Variants in PTPRD observed in about 807,000 individuals in gnomAD.
PTPRD encodes receptor-type tyrosine-protein phosphatase delta.
PTPRD carries 34 observed loss-of-function variants against 214.5 expected under a neutral mutation model. That is an observed-to-expected ratio of 0.16 (90% confidence interval 0.12 to 0.21). PTPRD has a LOEUF of 0.21. Ranked by LOEUF, PTPRD falls within the 10% of genes least tolerant of loss-of-function variation. The probability of loss-of-function intolerance (pLI) is 1.00; values close to 1 mark genes in which losing one functional copy is unlikely to be tolerated. For synonymous variants in PTPRD, 1,128 were observed against 845.7 expected, an observed-to-expected ratio of 1.33 and a Z score of -5.79; for missense variants, 2,545 against 2,398.7, an observed-to-expected ratio of 1.06 and a Z score of -1.27.
intron 2 of PTPRD, among the ~76,000 whole-genome samples, chr9:10,387,298 A>C (rs1187739122): frequency 6.6e-6 from 1 of 151,884 alleles, no homozygotes; most frequent in Non-Finnish European, 1.5e-5. Context: ...TTTCAGTGAC[A>C]TGAGCCATAT....
chr9:9,595,342 G>A (rs12236136), intron 7 of PTPRD, among the ~76,000 whole-genome samples: 11,964 of 79,240 alleles, frequency 0.15, 1,408 homozygotes, highest in African/African-American at 0.3. Flanking sequence ...AATATATATT[G>A]TATATTCATC....
At chr9:9,354,266 A>T (rs1404828277) in intron 9 of PTPRD, among the ~76,000 whole-genome samples, 1 of 151,836 alleles carries the variant, frequency 6.6e-6, no homozygotes, top group Non-Finnish European at 1.5e-5. Context: ...GGATTTGTAC[A>T]GGGACATGTA....
Position 10,389,128 on chromosome 9 carries a change from T to C in PTPRD, c.-599-48111A>G, listed in dbSNP as rs533476422. 2.0e-5 allele frequency among the ~76,000 whole-genome samples: 3 copies of C among 151,972 alleles called. No individual in the cohort carries two copies. The East Asian group carries it at 5.9e-4, about 30-fold the overall frequency. On this transcript the variant is annotated intron_variant, in intron 2 of 45. Transcript: ENST00000381196. ...AATTGCTCCTGTTATGTAAAATTAA[T>C]TGAGGCCTTGCTTCAGCAGCTGTTA...
At chr9:9,173,724 C>A (rs779572078) in intron 10 of PTPRD, among the ~76,000 whole-genome samples, 1 of 152,094 alleles carries the variant, frequency 6.6e-6, no homozygotes, top group African/African-American at 2.4e-5. Context: ...GCTGTATATG[C>A]AGTCCATGGT....
intron 36 of PTPRD, among the ~76,000 whole-genome samples, chr9:8,392,853 C>T (rs2090041244): frequency 1.3e-5 from 2 of 152,078 alleles, no homozygotes; most frequent in East Asian, 1.9e-4. Context: ...CAATATAACA[C>T]ACTGTGCAGA....
intron 3 of PTPRD, among the ~76,000 whole-genome samples, chr9:10,223,943 T>C (rs1218961931): frequency 6.6e-6 from 1 of 151,638 alleles, no homozygotes; most frequent in Non-Finnish European, 1.5e-5. Flanking sequence ...AATGGCTTTA[T>C]GTAGGCCAAA....
intron 4 of PTPRD, among the ~76,000 whole-genome samples, chr9:9,941,340 T>A (rs764926264): frequency 3.3e-5 from 5 of 152,166 alleles, no homozygotes; most frequent in Admixed American, 6.5e-5. Context: ...GTGTATCTTA[T>A]TTTAGACAGT....
chr9:8,537,434 C>T (rs2077226617), intron 14 of PTPRD, among the ~76,000 whole-genome samples: 1 of 151,848 alleles, frequency 6.6e-6, no homozygotes, highest in African/African-American at 2.4e-5. Context: ...GAACAAGATA[C>T]AAAAATTTTT....
intron 32 of PTPRD, among the ~76,000 whole-genome samples, chr9:8,465,260 T>A (rs2096523872): frequency 6.6e-6 from 1 of 151,944 alleles, no homozygotes; most frequent in African/African-American, 2.4e-5. Context: ...CTAAATTTCC[T>A]TCATCAGAGA....
At chr9:8,686,659 T>G (rs928245810) in intron 12 of PTPRD, among the ~76,000 whole-genome samples, 9 of 152,162 alleles carry the variant, frequency 5.9e-5, no homozygotes, top group African/African-American at 2.2e-4. Flanking sequence ...CAGAGTTATT[T>G]TGACTAAGAG....
chr9:9,414,470 G>A (rs551322574), intron 8 of PTPRD, among the ~76,000 whole-genome samples: 4 of 152,286 alleles, frequency 2.6e-5, no homozygotes, highest in South Asian at 2.1e-4. Context: ...AGGGAAGGAC[G>A]GCCTTAAGGA....
chr9:10,204,765 C>T (rs570398881), intron 3 of PTPRD, among the ~76,000 whole-genome samples: 1 of 152,170 alleles, frequency 6.6e-6, no homozygotes, highest in African/African-American at 2.4e-5. Context: ...ATATCTAATA[C>T]ATGTAATTTT....
chr9:9,999,505 G>A (rs1393673020), intron 4 of PTPRD, among the ~76,000 whole-genome samples: 1 of 152,156 alleles, frequency 6.6e-6, no homozygotes, highest in African/African-American at 2.4e-5. Context: ...AATTATACAT[G>A]GGATTGCATT....
In PTPRD at chr9:10,281,989, TAA is replaced by T. The variant is rs201333767; in HGVS notation, c.-545+58972_-545+58973del. Among the ~76,000 whole-genome samples, 1,335 of 138,714 alleles carry T rather than the reference TAA, an allele frequency of 9.6e-3. 8 individuals carry two copies. The highest frequency in any genetic ancestry group is 0.025 in the South Asian group (112 of 4,498). 91.0% of individuals were successfully genotyped at this position (138,714 alleles called of 152,430 possible). ...TTGGGGGCCTAAGTAGTTAAAATAA[TAA>T]AAAAAAAAAAGGTGCAAAGTAAGCC... On this transcript the variant is annotated intron_variant, in intron 3 of 45. Transcript: ENST00000381196.
At chr9:8,820,727 CCACA>C (rs141466292) in intron 11 of PTPRD, among the ~76,000 whole-genome samples, 1 of 150,686 alleles carries the variant, frequency 6.6e-6, no homozygotes, top group African/African-American at 2.4e-5. Context: ...ATACTACACA[CCACA>C]CACACACACA....
intron 8 of PTPRD, among the ~76,000 whole-genome samples, chr9:9,457,399 A>G (rs1481920710): frequency 6.6e-6 from 1 of 152,038 alleles, no homozygotes; most frequent in Non-Finnish European, 1.5e-5. Flanking sequence ...GACTAAGTAT[A>G]AGAATTAATT....
At chr9:8,618,979 C>T (rs1211955495) in intron 14 of PTPRD, among the ~76,000 whole-genome samples, 1 of 132,678 alleles carries the variant, frequency 7.5e-6, no homozygotes, top group African/African-American at 2.8e-5. Flanking sequence ...AGGCTAGTCT[C>T]AAACTCGTGA....
chr9:8,558,136 G>A (rs1215307396), intron 14 of PTPRD, among the ~76,000 whole-genome samples: 2 of 152,180 alleles, frequency 1.3e-5, no homozygotes, highest in Non-Finnish European at 2.9e-5. Context: ...GACGGACAAA[G>A]CAGGCCTTGC....
At chr9:9,605,076 C>G (rs1179408039) in intron 7 of PTPRD, among the ~76,000 whole-genome samples, 1 of 151,994 alleles carries the variant, frequency 6.6e-6, no homozygotes, top group Non-Finnish European at 1.5e-5. Context: ...TACAAAGCAT[C>G]TATTTTCATC....
Sources: gnomAD v4.1 joint callset for allele counts (sites outside exome capture counted in the v4.1 genomes callset) on GRCh38, gnomAD v4.1.1 for gene constraint, MANE v1.5 for transcripts, NCBI Gene and HGNC (gene_info 2026-07-23, HGNC 2026-07-21) for gene names.